UTRN: variants seen among roughly 807,000 people sequenced by gnomAD.
UTRN encodes the protein utrophin, also known as dystrophin-related protein 1.
Under a neutral mutation model 463.9 loss-of-function variants are expected in UTRN, and 283 were observed. The observed-to-expected ratio is 0.61, with a 90% CI of 0.55 to 0.67. The LOEUF (loss-of-function observed/expected upper bound fraction) is 0.67, where lower values mean the gene tolerates loss of function less well. Among genes scored for constraint, UTRN ranks in the 30% least tolerant of loss-of-function variants. The probability of loss-of-function intolerance (pLI) is 0.00; values close to 1 mark genes in which losing one functional copy is unlikely to be tolerated. For synonymous variants in UTRN, 1,442 were observed against 1,431.5 expected, an observed-to-expected ratio of 1.01 and a Z score of -0.17; for missense variants, 3,922 against 4,084.3, an observed-to-expected ratio of 0.96 and a Z score of 1.08.
intron 10 of UTRN, 40 bp from the exon 11 acceptor site, chr6:144,437,523 TGC>T: frequency 6.7e-7 from 1 of 1,496,770 alleles, no homozygotes; most frequent in Non-Finnish European, 8.9e-7. Context: ...TTTTTTTTTT[TGC>T]ACTGAGTAGC....
intron 9 of UTRN, 62 bp from the exon 10 acceptor site, chr6:144,435,873 G>A: frequency 6.4e-7 from 1 of 1,569,730 alleles, no homozygotes; most frequent in Non-Finnish European, 8.7e-7. Flanking sequence ...TACAGTGTGA[G>A]TTTGCTGAAC....
chr6:144,421,941 C>A lies in UTRN; in HGVS notation c.205C>A (p.Leu69Ile). 2 of 1,612,838 alleles carry A rather than the reference C, an allele frequency of 1.2e-6. No homozygotes were observed. The highest frequency in any genetic ancestry group is 1.1e-5 in the South Asian group (1 of 90,874). Residue 69 changes from leucine to isoleucine, a missense_variant, in exon 4 of 75, where the codon CTT becomes ATT. Physicochemically the swap from Leu to Ile is conservative, Grantham distance 5. This residue lies in a region of UTRN where 264 missense variants were observed against 327.9 expected (regional missense o/e 0.81). Coordinates refer to ENST00000367545, the MANE Select transcript of UTRN (RefSeq NM_007124.3). ...DLKDGRKLLD[L>I]LEGLTGTSLP... ...CAAAGATGGAAGGAAGCTATTGGATCTTCTAGAAGGCCTCACAGGAACATC... is the reference window on the plus strand; with the variant it reads ...CAAAGATGGAAGGAAGCTATTGGATATTCTAGAAGGCCTCACAGGAACATC...
chr6:144,549,215 AGATTAATTTCT>A (rs1798686758), intron 47 of UTRN, among the ~76,000 whole-genome samples: 1 of 152,220 alleles, frequency 6.6e-6, no homozygotes, highest in African/African-American at 2.4e-5. Context: ...TTTCATAATG[AGATTAATTTCT>A]GATTTTAAAA....
intron 2 of UTRN, among the ~76,000 whole-genome samples, chr6:144,307,608 T>C (rs1482961189): frequency 6.6e-6 from 1 of 152,224 alleles, no homozygotes; most frequent in Non-Finnish European, 1.5e-5. Context: ...TGGTCCTTAC[T>C]TTACTTCTAC....
chr6:144,809,795 A>C (rs577161758), intron 65 of UTRN, among the ~76,000 whole-genome samples: 46 of 152,282 alleles, frequency 3.0e-4, no homozygotes, highest in Admixed American at 2.5e-3. Context: ...CATTGGCTTT[A>C]GTAGATGAAG....
intron 66 of UTRN, among the ~76,000 whole-genome samples, chr6:144,821,533 A>C (rs930469081): frequency 6.6e-6 from 1 of 152,002 alleles, no homozygotes; most frequent in South Asian, 2.1e-4. Flanking sequence ...GAAAATGAAG[A>C]CAGCAAACTG....
intron 52 of UTRN, among the ~76,000 whole-genome samples, chr6:144,680,588 G>T (rs1782105480): frequency 6.6e-6 from 1 of 152,130 alleles, no homozygotes; most frequent in African/African-American, 2.4e-5. Context: ...TTATTTCTGT[G>T]CTTAAGGCAT....
At chr6:144,605,218 C>A (rs1465585344) in intron 51 of UTRN, among the ~76,000 whole-genome samples, 2 of 152,114 alleles carry the variant, frequency 1.3e-5, no homozygotes, top group African/African-American at 4.8e-5. Flanking sequence ...TTTTCCATGA[C>A]AGTTATATAT....
At position 144,828,802 on chromosome 6, in the gene UTRN, G is replaced by A. The variant is rs1780413900; in HGVS notation, c.9612G>A (p.Met3204Ile). Residue 3204 changes from methionine (M) to isoleucine (I), a missense_variant, in exon 69 of 75, where the codon ATG (methionine) becomes ATA (isoleucine). Coordinates refer to ENST00000367545, the MANE Select transcript of UTRN (RefSeq NM_007124.3). The stretch of plus-strand genomic sequence containing the variant: ...TTTTATTTTGCAGACTGGCCCAGAT[G>A]GAAAGGACTAATGGGTCTTTTCTCA... ...IEQYATRLAQ[M>I]ERTNGSFLTD... 3 of 1,613,434 alleles carry A rather than the reference G, an allele frequency of 1.9e-6. No individual in the cohort carries two copies. Among genetic ancestry groups the A allele is most frequent in the East Asian group, 2.2e-5 (1 of 44,824 alleles).
chr6:144,703,603 G>C (rs1586114774), intron 53 of UTRN, among the ~76,000 whole-genome samples: 1 of 152,186 alleles, frequency 6.6e-6, no homozygotes, highest in East Asian at 1.9e-4. Flanking sequence ...ACAGAGTCCA[G>C]GATGCCAAAG....
At chr6:144,599,276 A>G (rs1253379524) in intron 51 of UTRN, among the ~76,000 whole-genome samples, 1 of 152,200 alleles carries the variant, frequency 6.6e-6, no homozygotes, top group Non-Finnish European at 1.5e-5. Flanking sequence ...AAAGTGAGGA[A>G]GAGTACTCAA....
In UTRN at chr6:144,374,724, C is replaced by T. The variant is rs189747085; in HGVS notation, c.80-28399C>T. ...GTCTTAATCTCCTGACCTCGGGATC[C>T]GCCCGCCCCTGCCTCCCAAAGTGCT... On this transcript the variant is annotated intron_variant, in intron 2 of 74. Coordinates refer to ENST00000367545, the MANE Select transcript of UTRN (RefSeq NM_007124.3). 6.4e-3 allele frequency among the ~76,000 whole-genome samples: 970 copies of T among 151,514 alleles called. 11 individuals are homozygous for T. Among genetic ancestry groups the T allele is most frequent in the African/African-American group, 0.022 (920 of 41,396 alleles).
chr6:144,409,883 G>A (rs1326557938), intron 3 of UTRN, among the ~76,000 whole-genome samples: 2 of 152,206 alleles, frequency 1.3e-5, no homozygotes, highest in Non-Finnish European at 2.9e-5. Context: ...AAGTGTGCAT[G>A]TATGGTTAAG....
At chr6:144,559,315 G>C (rs1200856659) in intron 50 of UTRN, among the ~76,000 whole-genome samples, 1 of 151,898 alleles carries the variant, frequency 6.6e-6, no homozygotes, top group Non-Finnish European at 1.5e-5. Flanking sequence ...CCGGGGGGTG[G>C]AAATAAGTAA....
rs1795604273 is a variant in UTRN, at chr6:144,516,327, CAT to C, written c.5345_5346del (p.Ile1782ArgfsTer15). ...FSDLEKLENDIENMLKFVEKH... is the reference protein window; with the variant it reads ...FSDLEKLENDXENMLKFVEKH... ...CTGACTTGGAAAAATTAGAAAATGA[CAT>C]AGAAAATATGTTAAAATTTGTGGAA... On this transcript the variant is annotated frameshift_variant, in exon 38 of 75. Coordinates refer to ENST00000367545, the MANE Select transcript of UTRN (RefSeq NM_007124.3). LOFTEE classifies it high-confidence loss of function. 2 of 1,613,544 alleles carry C rather than the reference CAT, an allele frequency of 1.2e-6. No individual in the cohort carries two copies. Among genetic ancestry groups the C allele is most frequent in the Non-Finnish European group, 1.7e-6 (2 of 1,179,820 alleles).
intron 12 of UTRN, among the ~76,000 whole-genome samples, chr6:144,439,658 AATTTTTTGT>A (rs1398429997): frequency 2.0e-5 from 3 of 152,008 alleles, no homozygotes; most frequent in African/African-American, 7.3e-5. Context: ...ACACCCAGCT[AATTTTTTGT>A]ATTTTTTGTA....
intron 4 of UTRN, among the ~76,000 whole-genome samples, chr6:144,423,246 C>T (rs1784999910): frequency 6.6e-6 from 1 of 152,114 alleles, no homozygotes; most frequent in Non-Finnish European, 1.5e-5. Context: ...CACCCTAGAC[C>T]CATTAAGCCA....
In UTRN at chr6:144,493,432, T is replaced by G; in HGVS notation, c.4569T>G (p.Val1523=). The change falls in exon 33 of 75, where the codon GTT becomes GTG. Residue 1523 remains valine, a synonymous_variant. Coordinates refer to ENST00000367545, the MANE Select transcript of UTRN (RefSeq NM_007124.3). The stretch of plus-strand genomic sequence containing the variant: ...ATGAGCAGCTGACTTCCCTGAAGGT[T>G]CTTTACAATGACCTGGGCGCACAGG... ...GMDEQLTSLK[V]LYNDLGAQVT... 6.2e-7 allele frequency: 1 copy of G among 1,613,980 alleles called. No individual in the cohort carries two copies. The highest frequency in any genetic ancestry group is 1.7e-4 in the Middle Eastern group (1 of 6,058).
chr6:144,551,546 G>T (rs556113247), intron 48 of UTRN, among the ~76,000 whole-genome samples: 20 of 152,168 alleles, frequency 1.3e-4, no homozygotes, highest in African/African-American at 4.6e-4. Context: ...CATTAATTTG[G>T]GGATACTTTA....
Sources: gnomAD v4.1 joint callset for allele counts (sites outside exome capture counted in the v4.1 genomes callset) on GRCh38, gnomAD v4.1.1 for gene constraint, gnomAD v4.1.1 regional missense constraint, MANE v1.5 for transcripts, NCBI Gene and HGNC (gene_info 2026-07-23, HGNC 2026-07-21) for gene names.